SLC25A21: variants seen among roughly 807,000 people sequenced by gnomAD.
The protein encoded by SLC25A21 is solute carrier family 25 member 21, also known as mitochondrial 2-oxodicarboxylate carrier.
A neutral mutation model predicts 43.8 loss-of-function variants in SLC25A21; 47 were observed. That is an observed-to-expected ratio of 1.07 (90% CI 0.85 to 1.37). The LOEUF is 1.37. SLC25A21 is among the 40% of genes most tolerant of loss of function. The pLI is 0.00. For missense variants in SLC25A21, 352 were observed against 350.2 expected, an observed-to-expected ratio of 1.00 and a Z score of -0.04; for synonymous variants, 131 against 121.3, an observed-to-expected ratio of 1.08 and a Z score of -0.52.
At chr14:37,075,947 T>C (rs998531037) in intron 1 of SLC25A21, among the ~76,000 whole-genome samples, 2 of 152,234 alleles carry the variant, frequency 1.3e-5, no homozygotes, top group African/African-American at 4.8e-5. Context: ...TGGAAGACAG[T>C]TGGTGCCTCC....
At chr14:37,062,823 G>GA (rs1803873710) in intron 1 of SLC25A21, among the ~76,000 whole-genome samples, 1 of 152,160 alleles carries the variant, frequency 6.6e-6, no homozygotes, top group Admixed American at 6.5e-5. Context: ...TAGCAGAAGT[G>GA]AAACATTATT....
chr14:36,779,969 T>C (rs1020307426), intron 3 of SLC25A21, among the ~76,000 whole-genome samples: 2 of 151,962 alleles, frequency 1.3e-5, no homozygotes, highest in Non-Finnish European at 2.9e-5. Context: ...AGTTACTTTC[T>C]CCTCTTTAAT....
intron 1 of SLC25A21, among the ~76,000 whole-genome samples, chr14:37,134,540 G>A (rs1963444505): frequency 6.6e-6 from 1 of 151,834 alleles, no homozygotes; most frequent in African/African-American, 2.4e-5. Context: ...AGCTACTTGG[G>A]AGGCTGAGGT....
At chr14:37,134,448 T>G (rs773005145) in intron 1 of SLC25A21, among the ~76,000 whole-genome samples, 10 of 151,948 alleles carry the variant, frequency 6.6e-5, no homozygotes, top group Admixed American at 3.3e-4. Flanking sequence ...TCCACTGTAG[T>G]ATCCTGATTC....
chr14:37,017,715 C>A (rs568381387), intron 1 of SLC25A21, among the ~76,000 whole-genome samples: 32 of 151,842 alleles, frequency 2.1e-4, no homozygotes, highest in Non-Finnish European at 4.3e-4. Flanking sequence ...TCTAAAATCA[C>A]TTATTATTAT....
At chr14:36,902,832 G>T (rs989668903) in intron 1 of SLC25A21, among the ~76,000 whole-genome samples, 2 of 152,044 alleles carry the variant, frequency 1.3e-5, no homozygotes, top group South Asian at 4.2e-4. Flanking sequence ...AATAAGAAAA[G>T]AAATCAGCTG....
rs1175475827 is a variant in SLC25A21 at position 36,680,230 on chromosome 14, ACTTT to A, written c.*424_*427del. The A allele has an allele frequency of 2.2e-6, 2 of 924,850 alleles. No individual in the cohort carries two copies. Among genetic ancestry groups the A allele is most frequent in the East Asian group, 1.2e-4 (1 of 8,506 alleles). The allele number at this position is 924,850 out of a possible 1,614,324, so 57.3% of individuals were successfully genotyped here. A position where few individuals can be genotyped will look rare whatever the true frequency, so the allele number is the denominator to read the frequency against. ...TAAAAACTGCTTAAATTTTGGCTTA[ACTTT>A]TTTTTAATCCAGTCTTTGAATAATT... On this transcript the variant is annotated 3_prime_UTR_variant, in exon 10 of 10. Transcript: ENST00000331299.
chr14:36,877,112 C>A (rs141319796), intron 1 of SLC25A21, among the ~76,000 whole-genome samples: 1 of 152,164 alleles, frequency 6.6e-6, no homozygotes, highest in South Asian at 2.1e-4. Flanking sequence ...TGCACTTCCA[C>A]GCACATAAGG....
Position 37,112,339 on chromosome 14 carries a change from AG to A in SLC25A21, c.70+59941del, listed in dbSNP as rs1963034846. 2.0e-5 allele frequency among the ~76,000 whole-genome samples: 3 copies of A among 152,336 alleles called. No individual in the cohort carries two copies. The South Asian group carries it at 6.2e-4, about 32-fold the overall frequency. ...CTCATTGTCAATACTCTAGTGTAAA[AG>A]AAGGGAGAAGAGGCAATAAGCACAA... On this transcript the variant is annotated intron_variant, in intron 1 of 9. Coordinates refer to ENST00000331299, the MANE Select transcript of SLC25A21 (RefSeq NM_030631.4).
At chr14:36,941,717 G>T (rs1034100483) in intron 1 of SLC25A21, among the ~76,000 whole-genome samples, 1 of 151,642 alleles carries the variant, frequency 6.6e-6, no homozygotes. Flanking sequence ...AATATTAACT[G>T]CTAATTATTG....
chr14:36,828,067 G>C (rs777856310), intron 2 of SLC25A21, among the ~76,000 whole-genome samples: 2 of 151,966 alleles, frequency 1.3e-5, no homozygotes, highest in African/African-American at 2.4e-5. Context: ...CTCACATAAA[G>C]GGGGAGGTGG....
At chr14:37,096,422 G>A (rs1443698363) in intron 1 of SLC25A21, among the ~76,000 whole-genome samples, 1 of 152,102 alleles carries the variant, frequency 6.6e-6, no homozygotes, top group Non-Finnish European at 1.5e-5. Flanking sequence ...GGTTTGGAAA[G>A]TTCTCTGTTA....
chr14:36,699,455 T>C (rs763454489), intron 7 of SLC25A21, among the ~76,000 whole-genome samples: 1 of 152,186 alleles, frequency 6.6e-6, no homozygotes, highest in Admixed American at 6.5e-5. Context: ...TCAAACGCCA[T>C]GCTGGGAGAA....
chr14:36,799,039 T>C (rs1347989461), intron 3 of SLC25A21, among the ~76,000 whole-genome samples: 1 of 152,152 alleles, frequency 6.6e-6, no homozygotes, highest in African/African-American at 2.4e-5. Flanking sequence ...GGCAAATATA[T>C]TGGGAATCTT....
chr14:36,717,800 A>G (rs941724693), intron 6 of SLC25A21, among the ~76,000 whole-genome samples: 1 of 152,206 alleles, frequency 6.6e-6, no homozygotes, highest in African/African-American at 2.4e-5. Context: ...AGTTTCTTAG[A>G]GCTAACTTTT....
intron 5 of SLC25A21, among the ~76,000 whole-genome samples, chr14:36,728,287 C>A (rs1168046850): frequency 1.3e-5 from 2 of 152,218 alleles, no homozygotes; most frequent in African/African-American, 2.4e-5. Context: ...AAATGCTTTT[C>A]TGTTTCAATT....
chr14:36,724,095 G>A (rs538619833), intron 6 of SLC25A21, among the ~76,000 whole-genome samples: 1 of 152,116 alleles, frequency 6.6e-6, no homozygotes, highest in Admixed American at 6.5e-5. Flanking sequence ...CCCCTGTTCC[G>A]CACCATCTTT....
chr14:36,822,057 C>A (rs910310991), intron 2 of SLC25A21, among the ~76,000 whole-genome samples: 3 of 151,986 alleles, frequency 2.0e-5, no homozygotes, highest in Non-Finnish European at 4.4e-5. Context: ...CAGGTCCTGC[C>A]CTATAGAAGA....
chr14:36,905,349 G>A (rs779845945), intron 1 of SLC25A21, among the ~76,000 whole-genome samples: 1 of 152,152 alleles, frequency 6.6e-6, no homozygotes, highest in Non-Finnish European at 1.5e-5. Flanking sequence ...CATTCTTAGA[G>A]GGCCAACTTT....
Sources: gnomAD v4.1 joint callset for allele counts (sites outside exome capture counted in the v4.1 genomes callset) on GRCh38, gnomAD v4.1.1 for gene constraint, MANE v1.5 for transcripts, NCBI Gene and HGNC (gene_info 2026-07-23, HGNC 2026-07-21) for gene names.